XPR1: variants seen among roughly 807,000 people sequenced by gnomAD.
The protein encoded by XPR1 is solute carrier family 53 member 1.
A neutral mutation model predicts 87.5 loss-of-function variants in XPR1; 28 were observed. That is an observed-to-expected ratio of 0.32 (90% CI 0.24 to 0.44). The LOEUF (loss-of-function observed/expected upper bound fraction) is 0.44, where lower values mean the gene tolerates loss of function less well. XPR1 is among the 20% of genes least tolerant of loss of function. The pLI is 1.00. For missense variants in XPR1, 559 were observed against 862.3 expected (o/e 0.65, Z 4.41); for synonymous variants, 300 against 306.1 (o/e 0.98, Z 0.21).
chr1:180,773,400 T>G (rs1648595313), intron 2 of XPR1, among the ~76,000 whole-genome samples: 1 of 152,198 alleles, frequency 6.6e-6, no homozygotes, highest in African/African-American at 2.4e-5. Flanking sequence ...CACTGACTCT[T>G]GTAAGACTTT....
chr1:180,658,562 G>A (rs180682816), intron 1 of XPR1, among the ~76,000 whole-genome samples: 1 of 151,040 alleles, frequency 6.6e-6, no homozygotes. Context: ...GTTTTTTTTT[G>A]TTTGGTTTTG....
chr1:180,778,516 T>C (rs1648807665), intron 2 of XPR1, among the ~76,000 whole-genome samples: 2 of 152,200 alleles, frequency 1.3e-5, no homozygotes. Flanking sequence ...AGTCTGTGTT[T>C]GGAGCAGGTA....
chr1:180,882,958 T>G (rs1020798102), intron 14 of XPR1, among the ~76,000 whole-genome samples: 3 of 151,922 alleles, frequency 2.0e-5, no homozygotes, highest in Admixed American at 6.6e-5. Context: ...ATTTGTTTTT[T>G]GGGGGTTGGT....
intron 2 of XPR1, among the ~76,000 whole-genome samples, chr1:180,691,419 T>G (rs1656989319): frequency 6.6e-6 from 1 of 152,194 alleles, no homozygotes; most frequent in Admixed American, 6.5e-5. Flanking sequence ...TTTGCTTATC[T>G]TTTTATCTTA....
At chr1:180,840,604 T>A (rs1444344851) in intron 11 of XPR1, among the ~76,000 whole-genome samples, 1 of 137,866 alleles carries the variant, frequency 7.3e-6, no homozygotes, top group Non-Finnish European at 1.6e-5. Context: ...TGGACAAAAT[T>A]TTTTGCCCAC....
chr1:180,803,674 A>T, intron 4 of XPR1, 63 bp downstream of exon 4: 1 of 1,354,424 alleles, frequency 7.4e-7, no homozygotes, highest in African/African-American at 1.5e-5. Flanking sequence ...CAATAAATGG[A>T]AGTACCCTAA....
At chr1:180,743,164 GTTA>G (rs964040022) in intron 2 of XPR1, among the ~76,000 whole-genome samples, 4 of 146,768 alleles carry the variant, frequency 2.7e-5, no homozygotes, top group African/African-American at 5.0e-5. Flanking sequence ...CTACCATTTT[GTTA>G]TTATTATTAT....
intron 2 of XPR1, among the ~76,000 whole-genome samples, chr1:180,764,802 T>TC: frequency 6.7e-6 from 1 of 149,190 alleles, no homozygotes; most frequent in Non-Finnish European, 1.5e-5. Context: ...TTTTTTTTTT[T>TC]TGAGACAGGG....
At chr1:180,844,711 G>T (rs1558036052) in intron 11 of XPR1, among the ~76,000 whole-genome samples, 1 of 152,262 alleles carries the variant, frequency 6.6e-6, no homozygotes, top group Admixed American at 6.5e-5. Context: ...TTCTGGCAGG[G>T]TTTGGCTCCT....
chr1:180,846,328 A>G (rs952816903), intron 11 of XPR1, among the ~76,000 whole-genome samples: 11 of 152,132 alleles, frequency 7.2e-5, no homozygotes, highest in Admixed American at 2.0e-4. Flanking sequence ...AATTTTCTCA[A>G]TTTATATTGT....
chr1:180,860,442 A>C (rs1652182460), intron 11 of XPR1, among the ~76,000 whole-genome samples: 1 of 152,286 alleles, frequency 6.6e-6, no homozygotes, highest in Admixed American at 6.5e-5. Context: ...CAAAAACTGA[A>C]AACAGTCTGT....
chr1:180,685,202 T>A (rs1273547841), intron 2 of XPR1, among the ~76,000 whole-genome samples: 1 of 152,212 alleles, frequency 6.6e-6, no homozygotes, highest in Admixed American at 6.5e-5. Flanking sequence ...TGAAGCGTTG[T>A]TGAATTTTGT....
intron 2 of XPR1, among the ~76,000 whole-genome samples, chr1:180,732,540 A>G (rs1044530921): frequency 1.3e-5 from 2 of 152,154 alleles, no homozygotes; most frequent in Non-Finnish European, 2.9e-5. Flanking sequence ...GAAATGGGGA[A>G]AGTTCCTGTG....
chr1:180,816,599 T>A (rs1650421431), intron 7 of XPR1, among the ~76,000 whole-genome samples: 1 of 152,242 alleles, frequency 6.6e-6, no homozygotes, highest in South Asian at 2.1e-4. Flanking sequence ...AGCAGCAGAC[T>A]GCAGATATGA....
At chr1:180,763,440 T>A (rs1474256132) in intron 2 of XPR1, among the ~76,000 whole-genome samples, 1 of 152,182 alleles carries the variant, frequency 6.6e-6, no homozygotes, top group African/African-American at 2.4e-5. Flanking sequence ...TCCTTACATA[T>A]GCAAAAAGTA....
At chr1:180,773,883 C>G (rs1339769) in intron 2 of XPR1, among the ~76,000 whole-genome samples, 52,569 of 152,016 alleles carry the variant, frequency 0.35, 9,507 homozygotes, top group Non-Finnish European at 0.39. Flanking sequence ...AGAATGTGTT[C>G]TGTTTTCCTC....
intron 2 of XPR1, among the ~76,000 whole-genome samples, chr1:180,762,201 A>G (rs1028981352): frequency 2.6e-5 from 4 of 151,962 alleles, no homozygotes; most frequent in African/African-American, 7.2e-5. Flanking sequence ...CAGCACACCA[A>G]CATGGCACAT....
intron 9 of XPR1, among the ~76,000 whole-genome samples, chr1:180,833,183 A>G (rs1316484564): frequency 6.6e-6 from 1 of 152,206 alleles, no homozygotes; most frequent in Admixed American, 6.5e-5. Context: ...GAAGCACTAA[A>G]CATGGAAAGA....
intron 2 of XPR1, among the ~76,000 whole-genome samples, chr1:180,756,841 TAGAA>T (rs752116252): frequency 6.6e-6 from 1 of 152,204 alleles, no homozygotes; most frequent in Admixed American, 6.5e-5. Context: ...TCGCACATGA[TAGAA>T]AGACTCTCCC....
Sources: allele counts gnomAD v4.1 joint callset (sites outside exome capture counted in the v4.1 genomes callset), GRCh38; gene constraint gnomAD v4.1.1; transcripts MANE v1.5; gene names NCBI Gene and HGNC (gene_info 2026-07-23, HGNC 2026-07-21).